Variants in CROCC observed in about 807,000 individuals in gnomAD.
CROCC encodes ciliary rootlet coiled-coil, rootletin.
CROCC carries 180 observed loss-of-function variants against 245.2 expected under a neutral mutation model. The ratio of observed to expected loss-of-function variants is 0.73; its 90% confidence interval spans 0.65 to 0.83. The LOEUF (loss-of-function observed/expected upper bound fraction) is 0.83. Among genes scored for constraint, CROCC ranks in the 40% least tolerant of loss-of-function variants. CROCC has a pLI of 0.00. For missense variants in CROCC, 2,688 were observed against 2,779.4 expected, an observed-to-expected ratio of 0.97 and a Z score of 0.74; for synonymous variants, 1,205 against 1,241.6, an observed-to-expected ratio of 0.97 and a Z score of 0.62.
chr1:16,965,622 T>C, intron 27 of CROCC, 101 bp from the exon 28 acceptor site: 2 of 891,578 alleles, frequency 2.2e-6, no homozygotes, highest in East Asian at 2.4e-5. Flanking sequence ...AAGTTGGGCT[T>C]GATTCTGAGG....
chr1:16,961,705 G>A (rs2076337492), intron 27 of CROCC, among the ~76,000 whole-genome samples: 1 of 152,156 alleles, frequency 6.6e-6, no homozygotes, highest in Non-Finnish European at 1.5e-5. Flanking sequence ...TGTGCCTCCT[G>A]GGCTCAAGTG....
intron 7 of CROCC, among the ~76,000 whole-genome samples, 173 bp from the exon 8 acceptor site, chr1:16,931,117 TG>T (rs2075666621): frequency 6.6e-6 from 1 of 152,266 alleles, no homozygotes; most frequent in African/African-American, 2.4e-5. Context: ...GAGGGAGCCA[TG>T]AGGCTTGGGA....
chr1:16,972,418 C>T lies in CROCC; in HGVS notation c.6026C>T (p.Ser2009Phe). The T allele has an allele frequency of 6.2e-7, 1 of 1,613,528 alleles. No individual in the cohort carries two copies. Among genetic ancestry groups the T allele is most frequent in the Non-Finnish European group, 8.5e-7 (1 of 1,179,686 alleles). ...CTTCGAAGGAGCTCAGCACCCTTCTCCCCACCCTCCGGCCCCCCAGAGAAA... is the reference window on the plus strand; with the variant it reads ...CTTCGAAGGAGCTCAGCACCCTTCTTCCCACCCTCCGGCCCCCCAGAGAAA... ...QELRRSSAPF[S>F]PPSGPPEK is the part of the protein sequence containing the mutation. Residue 2009 changes from serine (S) to phenylalanine (F), a missense_variant, in exon 37 of 37, where the codon TCC becomes TTC. Transcript: ENST00000375541.
chr1:16,927,851 GC>G (rs2075571193), intron 3 of CROCC, among the ~76,000 whole-genome samples: 1 of 152,282 alleles, frequency 6.6e-6, no homozygotes, highest in South Asian at 2.1e-4. Flanking sequence ...CCCCTGCACA[GC>G]CTTGGACTGT....
chr1:16,922,212 C>T (rs2075424228), intron 1 of CROCC, 134 bp downstream of exon 1: 8 of 935,132 alleles, frequency 8.6e-6, no homozygotes, highest in Non-Finnish European at 1.3e-5. Context: ...ACAGGGGCCC[C>T]CCGCTTGCAG....
chr1:16,947,487 A>AATAATAATAATAATAATAATAATAATG (rs1266136687), intron 17 of CROCC, among the ~76,000 whole-genome samples: 4 of 150,752 alleles, frequency 2.7e-5, no homozygotes, highest in African/African-American at 7.3e-5. Flanking sequence ...TAATAATAAT[A>AATAATAATAATAATAATAATAATAATG]ATAATAATAA....
At chr1:16,930,881 A>G (rs1437446190) in intron 7 of CROCC, among the ~76,000 whole-genome samples, 3 of 152,296 alleles carry the variant, frequency 2.0e-5, no homozygotes, top group African/African-American at 4.8e-5. Context: ...TCACGCCTGT[A>G]ATCCCAGCAC....
At chr1:16,971,444 G>A (rs1349772444) in intron 35 of CROCC, 21 bp from the exon 36 acceptor site, 10 of 1,525,684 alleles carry the variant, frequency 6.6e-6, no homozygotes, top group African/African-American at 1.4e-5. Flanking sequence ...CCAGAACGCG[G>A]ACCACAGCCC....
chr1:16,963,349 C>G (rs1437467072), intron 27 of CROCC, among the ~76,000 whole-genome samples: 2 of 151,754 alleles, frequency 1.3e-5, no homozygotes, highest in Non-Finnish European at 2.9e-5. Context: ...AGTGGAGGTG[C>G]GCCTGTCCTG....
chr1:16,958,000 C>G (rs1458463351), intron 25 of CROCC, among the ~76,000 whole-genome samples: 1 of 44,066 alleles, frequency 2.3e-5, no homozygotes, highest in East Asian at 4.2e-4. Context: ...CAGTACCCCT[C>G]CCTGCTCCTG....
chr1:16,943,554 A>AC (rs59402625), intron 13 of CROCC, among the ~76,000 whole-genome samples: 4 of 152,322 alleles, frequency 2.6e-5, no homozygotes, highest in South Asian at 2.1e-4. Context: ...AAAAAATAAA[A>AC]CAAAATCACG....
rs1481559303 is a variant in CROCC, at chr1:16,956,130, C to G, written c.3838C>G (p.Arg1280Gly). Residue 1280 changes from arginine to glycine, a missense_variant, in exon 25 of 37, where the codon CGG becomes GGG. Arg to Gly is a moderately radical substitution (Grantham distance 125). Around this residue, in one of 9 missense-constraint regions of CROCC, gnomAD observed 1,218 missense variants for 1,286.3 expected, o/e 0.95. Coordinates refer to ENST00000375541, the MANE Select transcript of CROCC (RefSeq NM_014675.5). ...GGAGCGCTCACGGCTGGAGGCTCGG[C>G]GGGAGCTGCAGGAGCTCCGGCGTCA... ...EVERSRLEAR[R>G]ELQELRRQMK... 6.5e-7 allele frequency: 1 copy of G among 1,546,828 alleles called. No individual in the cohort carries two copies.
chr1:16,968,486 C>T (rs771570508), intron 31 of CROCC, 68 bp downstream of exon 31: 110 of 1,394,194 alleles, frequency 7.9e-5, no homozygotes, highest in Middle Eastern at 5.1e-4. Context: ...GTAGGCACTA[C>T]GCAGTCCCCC....
intron 8 of CROCC, among the ~76,000 whole-genome samples, chr1:16,933,054 T>C (rs2075713264): frequency 6.6e-6 from 1 of 152,032 alleles, no homozygotes; most frequent in African/African-American, 2.4e-5. Flanking sequence ...CAAGTGATCC[T>C]CCTGCCTTGA....
chr1:16,936,224 T>G (rs1201573216), intron 8 of CROCC, among the ~76,000 whole-genome samples: 1 of 152,264 alleles, frequency 6.6e-6, no homozygotes, highest in East Asian at 1.9e-4. Flanking sequence ...TAGCTGGGAC[T>G]GCAGGTGTAT....
In CROCC at chr1:16,937,731, G is replaced by A. The variant is rs774616026; in HGVS notation, c.1284G>A (p.Glu428=). The change falls in exon 10 of 37, where the codon GAG becomes GAA. Residue 428 remains glutamate, a synonymous_variant. Coordinates refer to ENST00000375541, the MANE Select transcript of CROCC (RefSeq NM_014675.5). ...QVNKDLTEKL[E]ALESLRLQEQ... is the part of the protein sequence containing the mutation. The stretch of plus-strand genomic sequence containing the variant: ...ACAAGGACCTCACTGAGAAGCTTGA[G>A]GCCCTGGTGAGCTGCAGGTGCCCCT... 1.4e-5 allele frequency: 22 copies of A among 1,609,566 alleles called. No homozygotes were observed. The highest frequency in any genetic ancestry group is 1.7e-5 in the Non-Finnish European group (20 of 1,178,392).
At chr1:16,934,250 G>T (rs565372010) in intron 8 of CROCC, among the ~76,000 whole-genome samples, 1 of 152,308 alleles carries the variant, frequency 6.6e-6, no homozygotes, top group South Asian at 2.1e-4. Context: ...TAGATAACCA[G>T]TGGTACTGTT....
chr1:16,942,559 C>G (rs529513183), intron 13 of CROCC, among the ~76,000 whole-genome samples: 1 of 152,398 alleles, frequency 6.6e-6, no homozygotes, highest in East Asian at 1.9e-4. Flanking sequence ...GGCTCTTGGC[C>G]GAGTGTTTTG....
At chr1:16,957,751 A>C (rs949372006) in intron 25 of CROCC, among the ~76,000 whole-genome samples, 7 of 152,124 alleles carry the variant, frequency 4.6e-5, no homozygotes, top group African/African-American at 1.7e-4. Flanking sequence ...GGCCCCCCCA[A>C]ATTTTTTTAA....
Sources: allele counts gnomAD v4.1 joint callset (sites outside exome capture counted in the v4.1 genomes callset), GRCh38; gene constraint gnomAD v4.1.1; regional missense constraint gnomAD v4.1.1; transcripts MANE v1.5; gene names NCBI Gene and HGNC (gene_info 2026-07-23, HGNC 2026-07-21).